SH3PXD2A: variants seen among roughly 807,000 people sequenced by gnomAD.
The protein encoded by SH3PXD2A is SH3 and PX domains 2A.
A neutral mutation model predicts 115.2 loss-of-function variants in SH3PXD2A; 32 were observed. The ratio of observed to expected loss-of-function variants is 0.28; its 90% CI spans 0.21 to 0.37. The LOEUF is 0.37. Among genes scored for constraint, SH3PXD2A ranks in the 10% least tolerant of loss-of-function variants. The pLI is 1.00. For missense variants in SH3PXD2A, 1,328 were observed against 1,498.7 expected, an observed-to-expected ratio of 0.89 and a Z score of 1.88; for synonymous variants, 610 against 629.1, an observed-to-expected ratio of 0.97 and a Z score of 0.45.
In SH3PXD2A at chr10:103,597,877, AGG is replaced by A. The variant is rs985646304; in HGVS notation, c.*3937_*3938del. On this transcript the variant is annotated 3_prime_UTR_variant, in exon 15 of 15. Transcript: ENST00000369774. ...AGTTAAATACAATAACAGGAAAAAT[AGG>A]GGTTATTTTATCTTTTTCCCCTTAT... is the stretch of plus-strand genomic sequence containing the variant. The A allele has an allele frequency of 6.6e-6, 1 of 152,582 alleles. No homozygotes were observed. The highest frequency in any genetic ancestry group is 2.4e-5 in the African/African-American group (1 of 41,462). The allele number at this position is 152,582 out of a possible 1,614,324, so 9.5% of individuals were successfully genotyped here.
At chr10:103,812,394 G>C (rs1418854039) in intron 1 of SH3PXD2A, among the ~76,000 whole-genome samples, 1 of 152,136 alleles carries the variant, frequency 6.6e-6, no homozygotes, top group Non-Finnish European at 1.5e-5. Flanking sequence ...TCAGGAGCCA[G>C]AGTCCTAGAA....
rs762822196 is a variant in SH3PXD2A at position 103,627,228 on chromosome 10, G to A, written c.605-26C>T. ...CTGCAGGGAGGACAAGAGAGAACAG[G>A]ACTGTGAGATTCTGCAGGGTGGCAG... On this transcript the variant is annotated intron_variant, in intron 8 of 14. Transcript: ENST00000369774. The surrounding 1 kb of genome is among the most constrained non-coding windows in gnomAD (Gnocchi z 4.4). The A allele has an allele frequency of 1.3e-5, 19 of 1,413,780 alleles. No individual in the cohort carries two copies. In the South Asian group the frequency reaches 2.2e-4, roughly 16 times the overall value. 87.6% of individuals were successfully genotyped at this position (1,413,780 alleles called of 1,614,324 possible). A position where few individuals can be genotyped will look rare whatever the true frequency, so the allele number is the denominator to read the frequency against.
chr10:103,701,506 T>A (rs1173122546), intron 5 of SH3PXD2A, among the ~76,000 whole-genome samples: 2 of 139,322 alleles, frequency 1.4e-5, no homozygotes, highest in Non-Finnish European at 3.1e-5. Flanking sequence ...CATCCATTCA[T>A]CCATCCATCC....
At chr10:103,835,956 A>G (rs920864385) in intron 1 of SH3PXD2A, among the ~76,000 whole-genome samples, 3 of 152,182 alleles carry the variant, frequency 2.0e-5, no homozygotes, top group Non-Finnish European at 4.4e-5. Flanking sequence ...CCTTCACTGG[A>G]CGAGGAACCA....
chr10:103,809,388 G>A (rs1291784662), intron 1 of SH3PXD2A, among the ~76,000 whole-genome samples: 1 of 152,176 alleles, frequency 6.6e-6, no homozygotes, highest in Non-Finnish European at 1.5e-5. Flanking sequence ...AAGGGCTCTG[G>A]GAGTTGGAGG....
chr10:103,700,315 G>A (rs1160286644), intron 5 of SH3PXD2A, among the ~76,000 whole-genome samples: 1 of 152,226 alleles, frequency 6.6e-6, no homozygotes, highest in East Asian at 1.9e-4. Context: ...AGCTGTCGTG[G>A]GGATTACATG....
intron 10 of SH3PXD2A, among the ~76,000 whole-genome samples, chr10:103,619,651 A>G (rs2133944214): frequency 6.6e-6 from 1 of 152,254 alleles, no homozygotes. Context: ...TGCGTGGAAG[A>G]CAGAATCCCG....
chr10:103,704,760 C>T (rs2037961623), intron 5 of SH3PXD2A, among the ~76,000 whole-genome samples: 1 of 152,178 alleles, frequency 6.6e-6, no homozygotes, highest in African/African-American at 2.4e-5. Flanking sequence ...TCCCCAGGGT[C>T]TGCCAGAGCA....
At chr10:103,837,590 T>A (rs2039558277) in intron 1 of SH3PXD2A, among the ~76,000 whole-genome samples, 1 of 152,210 alleles carries the variant, frequency 6.6e-6, no homozygotes. Flanking sequence ...GCTGTCAGTG[T>A]GCTGGATGCC....
At chr10:103,689,082 C>T (rs1226198100) in intron 6 of SH3PXD2A, among the ~76,000 whole-genome samples, 1 of 152,078 alleles carries the variant, frequency 6.6e-6, no homozygotes, top group Non-Finnish European at 1.5e-5. Flanking sequence ...CTTTGTTGCC[C>T]AGGCTGGTCT....
At chr10:103,624,175 T>G (rs1366071101) in intron 9 of SH3PXD2A, among the ~76,000 whole-genome samples, 1 of 152,226 alleles carries the variant, frequency 6.6e-6, no homozygotes, top group South Asian at 2.1e-4. Context: ...TGCTGCCCCT[T>G]GGGCTGCCAA....
At chr10:103,626,465 T>C (rs2133956573) in intron 9 of SH3PXD2A, among the ~76,000 whole-genome samples, 1 of 152,220 alleles carries the variant, frequency 6.6e-6, no homozygotes, top group African/African-American at 2.4e-5. Flanking sequence ...CGGACTGGGC[T>C]CAGGCAGCCT....
rs1286056275 is a variant in SH3PXD2A at position 103,746,854 on chromosome 10, C to G, written c.230-11046G>C. ...AGCACTGTTCCTGCTGCCCTTTGCC[C>G]AGCCATTGCCTTGCATCCCTCATTG... On this transcript the variant is annotated intron_variant, in intron 3 of 14. Coordinates refer to ENST00000369774, the MANE Select transcript of SH3PXD2A (RefSeq NM_001394015.1). This position sits in a 1 kb window ranked among gnomAD's most constrained non-coding sequence, Gnocchi z 4.4. The G allele has an allele frequency of 1.3e-5, 2 of 152,546 alleles. No homozygotes were observed. Among genetic ancestry groups the G allele is most frequent in the Non-Finnish European group, 2.9e-5 (2 of 68,260 alleles). The allele number at this position is 152,546 out of a possible 1,614,324, so 9.4% of individuals were successfully genotyped here. A position where few individuals can be genotyped will look rare whatever the true frequency, so the allele number is the denominator to read the frequency against.
At chr10:103,832,361 A>T (rs1365460408) in intron 1 of SH3PXD2A, among the ~76,000 whole-genome samples, 7 of 134,730 alleles carry the variant, frequency 5.2e-5, no homozygotes, top group Non-Finnish European at 9.8e-5. Context: ...TAGAAGTAGA[A>T]CCTAAAAAGA....
At chr10:103,760,667 G>A (rs376897010) in intron 3 of SH3PXD2A, among the ~76,000 whole-genome samples, 13 of 151,430 alleles carry the variant, frequency 8.6e-5, no homozygotes, top group Admixed American at 2.0e-4. Flanking sequence ...TATATGTAAC[G>A]AGGGAAAGAT....
At chr10:103,719,721 CTTTTTTT>C (rs11438501) in intron 5 of SH3PXD2A, among the ~76,000 whole-genome samples, 1 of 114,720 alleles carries the variant, frequency 8.7e-6, no homozygotes, top group Non-Finnish European at 1.7e-5. Context: ...TTTTTTCTTT[CTTTTTTT>C]TTTTTTTTTT....
At chr10:103,736,844 C>T (rs1031355807) in intron 3 of SH3PXD2A, 1 of 1,165,174 alleles carries the variant, frequency 8.6e-7, no homozygotes, top group South Asian at 1.3e-5. Flanking sequence ...AAGGCATCTT[C>T]CACTCCCAGT....
At chr10:103,673,238 T>A (rs1410600666) in intron 6 of SH3PXD2A, 1 of 152,162 alleles carries the variant, frequency 6.6e-6, no homozygotes, top group Non-Finnish European at 1.5e-5. Flanking sequence ...TTTCTCCCCA[T>A]CTCACTACTG....
Position 103,613,019 on chromosome 10 carries a change from G to T in SH3PXD2A, c.1092C>A (p.Ala364=), listed in dbSNP as rs369330088. Residue 364 remains alanine, a synonymous_variant, in exon 12 of 15, where the codon GCC becomes GCA. Coordinates refer to ENST00000369774, the MANE Select transcript of SH3PXD2A (RefSeq NM_001394015.1). ...KASGDKETPP[A]EGEGHEAPIA... ...TGGGGGCCTCATGGCCCTCGCCTTC[G>T]GCTGGTGGAGTTTCCTTGTCCCCAG... 14 of 1,614,096 alleles carry T rather than the reference G, an allele frequency of 8.7e-6. No homozygotes were observed. The highest frequency in any genetic ancestry group is 1.1e-5 in the Non-Finnish European group (13 of 1,180,038).
Sources: allele counts gnomAD v4.1 joint callset (sites outside exome capture counted in the v4.1 genomes callset), GRCh38; gene constraint gnomAD v4.1.1; non-coding constraint Gnocchi (gnomAD v3.1); transcripts MANE v1.5; gene names NCBI Gene and HGNC (gene_info 2026-07-23, HGNC 2026-07-21).